RGS6: variants seen among roughly 807,000 people sequenced by gnomAD.
RGS6 encodes the protein regulator of G-protein signaling 6.
A neutral mutation model predicts 78.5 loss-of-function variants in RGS6; 30 were observed. The ratio of observed to expected loss-of-function variants is 0.38; its 90% CI spans 0.29 to 0.52. RGS6 has a LOEUF of 0.52. Among genes scored for constraint, RGS6 ranks in the 20% least tolerant of loss-of-function variants. The probability of loss-of-function intolerance (pLI) is 0.85; values close to 1 mark genes in which losing one functional copy is unlikely to be tolerated. For missense variants in RGS6, 495 were observed against 609.7 expected (o/e 0.81, Z 1.98); for synonymous variants, 206 against 206.0 (o/e 1.00, Z 0.00).
chr14:72,550,581 G>A (rs2153531223), intron 17 of RGS6: 5 of 1,535,414 alleles, frequency 3.3e-6, no homozygotes, highest in Non-Finnish European at 3.5e-6. Flanking sequence ...TGCAGCAAAA[G>A]TGGTGGGGGA....
chr14:72,296,219 G>A (rs1297348920), intron 2 of RGS6, among the ~76,000 whole-genome samples: 2 of 152,308 alleles, frequency 1.3e-5, no homozygotes, highest in East Asian at 1.9e-4. Flanking sequence ...CCTGAGTAGT[G>A]TTCCATTGTG....
intron 2 of RGS6, among the ~76,000 whole-genome samples, chr14:72,005,467 A>ATCTAATCTATCTATCTATCTATCTATCTG (rs1555428453): frequency 1.3e-5 from 2 of 151,174 alleles, no homozygotes; most frequent in East Asian, 3.9e-4. Flanking sequence ...CTATCTATCT[A>ATCTAATCTATCTATCTATCTATCTATCTG]TATCTCCCTA....
At chr14:71,909,666 C>CAAG in the RGS6 span, among the ~76,000 whole-genome samples, 1 of 151,774 alleles carries the variant, frequency 6.6e-6, no homozygotes, top group South Asian at 2.1e-4. Flanking sequence ...AGTCTCTATT[C>CAAG]AAGAAGGAGC....
the RGS6 span, among the ~76,000 whole-genome samples, chr14:71,871,972 G>A: frequency 6.6e-6 from 1 of 151,894 alleles, no homozygotes; most frequent in Non-Finnish European, 1.5e-5. Context: ...GTGTATGGGG[G>A]TGGAGGGGGT....
intron 3 of RGS6, among the ~76,000 whole-genome samples, chr14:72,445,540 G>A (rs2095342833): frequency 6.6e-6 from 1 of 151,648 alleles, no homozygotes; most frequent in Admixed American, 6.6e-5. Flanking sequence ...TTCCTCTAAG[G>A]CAGTGTTTGT....
At chr14:72,192,847 C>T (rs1567430393) in intron 2 of RGS6, among the ~76,000 whole-genome samples, 1 of 152,170 alleles carries the variant, frequency 6.6e-6, no homozygotes, top group African/African-American at 2.4e-5. Context: ...AACTGGCTTC[C>T]ATGGAGGCAT....
chr14:72,364,113 CAACACTCTCACCTACTT>C (rs1279203710), intron 3 of RGS6, among the ~76,000 whole-genome samples: 2 of 151,176 alleles, frequency 1.3e-5, no homozygotes, highest in African/African-American at 4.9e-5. Context: ...TACATTTTGC[CAACACTCTCACCTACTT>C]AACTACTGCA....
chr14:72,538,287 G>T (rs1158929221), intron 16 of RGS6, among the ~76,000 whole-genome samples: 2 of 152,232 alleles, frequency 1.3e-5, no homozygotes, highest in Non-Finnish European at 2.9e-5. Flanking sequence ...GAGGGAATAT[G>T]AATCAGCCTC....
At chr14:72,234,896 C>G (rs968772535) in intron 2 of RGS6, among the ~76,000 whole-genome samples, 18 of 152,108 alleles carry the variant, frequency 1.2e-4, no homozygotes, top group African/African-American at 4.1e-4. Context: ...TTGTATTGTT[C>G]CATTTCCAAA....
chr14:72,016,588 A>G (rs1319285157), intron 2 of RGS6, among the ~76,000 whole-genome samples: 3 of 152,042 alleles, frequency 2.0e-5, no homozygotes, highest in African/African-American at 7.2e-5. Flanking sequence ...GATTGTCTCA[A>G]TCTCCTGACC....
chr14:72,358,065 G>C (rs1307159991), intron 3 of RGS6, among the ~76,000 whole-genome samples: 1 of 152,208 alleles, frequency 6.6e-6, no homozygotes. Context: ...GAGGGTGCAA[G>C]CCTCCAGCCT....
the RGS6 span, among the ~76,000 whole-genome samples, chr14:72,585,125 C>A: frequency 6.6e-6 from 1 of 152,154 alleles, no homozygotes; most frequent in Admixed American, 6.5e-5. Context: ...AGAATACTAA[C>A]GACTCCCAAA....
intron 2 of RGS6, among the ~76,000 whole-genome samples, chr14:72,052,840 G>T (rs1367314879): frequency 6.6e-6 from 1 of 152,142 alleles, no homozygotes; most frequent in East Asian, 1.9e-4. Context: ...GGATCAAGTT[G>T]TGTGGATCCG....
intron 2 of RGS6, among the ~76,000 whole-genome samples, chr14:72,081,255 T>C (rs566373133): frequency 3.9e-5 from 6 of 152,204 alleles, no homozygotes; most frequent in African/African-American, 1.4e-4. Context: ...CTAAGTACTT[T>C]ATTTATTTAT....
chr14:72,468,649 C>T (rs2095990333), intron 7 of RGS6, among the ~76,000 whole-genome samples: 1 of 152,056 alleles, frequency 6.6e-6, no homozygotes, highest in Non-Finnish European at 1.5e-5. Context: ...ATTCTTGTGG[C>T]AGCTGCTTCT....
chr14:72,517,895 G>C (rs374867314), intron 14 of RGS6, among the ~76,000 whole-genome samples: 2 of 152,190 alleles, frequency 1.3e-5, no homozygotes, highest in South Asian at 2.1e-4. Context: ...CCAGGAATGA[G>C]TTCATCTCCC....
At chr14:72,420,013 G>A (rs1216777719) in intron 3 of RGS6, among the ~76,000 whole-genome samples, 7 of 152,234 alleles carry the variant, frequency 4.6e-5, no homozygotes, top group Admixed American at 1.3e-4. Flanking sequence ...CATGGGGAGG[G>A]AGGTGTTTGT....
intron 15 of RGS6, among the ~76,000 whole-genome samples, chr14:72,531,214 C>T (rs548025370): frequency 6.6e-6 from 1 of 152,288 alleles, no homozygotes; most frequent in Non-Finnish European, 1.5e-5. Context: ...AGGTGGATCA[C>T]TTGAGGCCAG....
In RGS6 at chr14:72,562,696, C is replaced by T; in HGVS notation, c.*229C>T. 3 of 1,536,204 alleles carry T rather than the reference C, an allele frequency of 2.0e-6. No homozygotes were observed. The highest frequency in any genetic ancestry group is 1.2e-5 in the South Asian group (1 of 84,056). The stretch of plus-strand genomic sequence containing the variant: ...GCCCGGTGGAGGCTCCTGTTTACAG[C>T]CCTCTCTTCTTTGTACAGTTGTATT... On this transcript the variant is annotated 3_prime_UTR_variant, in exon 18 of 18. Coordinates refer to ENST00000553525, the MANE Select transcript of RGS6 (RefSeq NM_001204424.2).
Sources: gnomAD v4.1 joint callset for allele counts (sites outside exome capture counted in the v4.1 genomes callset) on GRCh38, gnomAD v4.1.1 for gene constraint, MANE v1.5 for transcripts, NCBI Gene and HGNC (gene_info 2026-07-23, HGNC 2026-07-21) for gene names.